Variants in LRRC49 observed in about 807,000 individuals in gnomAD.
The protein encoded by LRRC49 is leucine-rich repeat-containing protein 49.
A neutral mutation model predicts 83.3 loss-of-function variants in LRRC49; 50 were observed. That is an observed-to-expected ratio of 0.60 (90% CI 0.48 to 0.76). The LOEUF (loss-of-function observed/expected upper bound fraction) is 0.76, where lower values mean the gene tolerates loss of function less well. Among genes scored for constraint, LRRC49 ranks in the 30% least tolerant of loss-of-function variants. The pLI is 0.00. For synonymous variants in LRRC49, 286 were observed against 283.3 expected, an observed-to-expected ratio of 1.01 and a Z score of -0.10; for missense variants, 704 against 809.1, an observed-to-expected ratio of 0.87 and a Z score of 1.58.
At position 70,873,543 on chromosome 15, in the gene LRRC49, G is replaced by A. The variant is rs2033094305; in HGVS notation, c.18+320G>A. On this transcript the variant is annotated intron_variant, in intron 2 of 16. Transcript: ENST00000544974. ...CTCTTCTCTCTGGGCATGCTTGGCG[G>A]ATTTGCTGGACTTCCTCATGCTTCT... Among the ~76,000 whole-genome samples, 5 of 152,152 alleles carry A rather than the reference G, an allele frequency of 3.3e-5. No individual in the cohort carries two copies. In the South Asian group the frequency reaches 1.0e-3, roughly 31 times the overall value.
At chr15:71,030,644 C>G (rs1319883225) in intron 14 of LRRC49, among the ~76,000 whole-genome samples, 1 of 152,150 alleles carries the variant, frequency 6.6e-6, no homozygotes, top group Non-Finnish European at 1.5e-5. Context: ...CCTTCACTTT[C>G]AGGTACACCA....
At chr15:70,952,125 T>G (rs774208187) in intron 8 of LRRC49, among the ~76,000 whole-genome samples, 1 of 152,132 alleles carries the variant, frequency 6.6e-6, no homozygotes, top group Non-Finnish European at 1.5e-5. Flanking sequence ...TACTTGATCA[T>G]GATGAATGAG....
intron 8 of LRRC49, among the ~76,000 whole-genome samples, chr15:70,962,241 G>A (rs2036627145): frequency 6.6e-6 from 1 of 152,186 alleles, no homozygotes; most frequent in Non-Finnish European, 1.5e-5. Flanking sequence ...AAGGAGGCTA[G>A]AATGATTCAT....
chr15:71,027,401 G>A lies in LRRC49; in HGVS notation c.1704-9778G>A, dbSNP rs767150829. Among the ~76,000 whole-genome samples the A allele has an allele frequency of 7.2e-5, 11 of 152,230 alleles. No individual in the cohort carries two copies. In the South Asian group the frequency reaches 2.1e-3, roughly 29 times the overall value. On this transcript the variant is annotated intron_variant, in intron 14 of 15. Coordinates refer to ENST00000260382, the MANE Select transcript of LRRC49 (RefSeq NM_017691.5). ...TGATGCCTCCAGCTTTGTTCTTTTT[G>A]CTTAGGATTGCCTTGCCTATATGGG...
intron 8 of LRRC49, among the ~76,000 whole-genome samples, chr15:70,959,391 C>T (rs547986360): frequency 1.3e-5 from 2 of 151,652 alleles, no homozygotes; most frequent in Admixed American, 6.6e-5. Flanking sequence ...CTCGGGAGGC[C>T]GAGGCAGGAA....
At chr15:71,041,414 T>C (rs1372042915) in intron 15 of LRRC49, among the ~76,000 whole-genome samples, 2 of 152,040 alleles carry the variant, frequency 1.3e-5, no homozygotes, top group East Asian at 3.9e-4. Context: ...AATTTAGAAA[T>C]CATAAAAAGC....
intron 11 of LRRC49, among the ~76,000 whole-genome samples, chr15:70,998,310 C>G (rs1293529967): frequency 6.6e-6 from 1 of 152,120 alleles, no homozygotes; most frequent in Admixed American, 6.5e-5. Flanking sequence ...AAGTTACCAA[C>G]TAGTGTTCTT....
In LRRC49 at chr15:70,988,893, T is replaced by C. The variant is rs936078323; in HGVS notation, c.1169+4636T>C. Among the ~76,000 whole-genome samples, 11 of 152,328 alleles carry C rather than the reference T, an allele frequency of 7.2e-5. No homozygotes were observed. The East Asian group carries it at 2.1e-3, about 29-fold the overall frequency. Reference sequence around the variant, plus strand: ...AAGTATTTTATTTCTCCTTCACTTATGAAGCTTAGTTTGGCTGTATATGAA... The same window carrying C: ...AAGTATTTTATTTCTCCTTCACTTACGAAGCTTAGTTTGGCTGTATATGAA... On this transcript the variant is annotated intron_variant, in intron 11 of 15. Coordinates refer to ENST00000260382, the MANE Select transcript of LRRC49 (RefSeq NM_017691.5).
intron 1 of LRRC49, among the ~76,000 whole-genome samples, chr15:70,854,436 G>A (rs571487100): frequency 1.7e-3 from 256 of 152,304 alleles, no homozygotes; most frequent in Non-Finnish European, 1.4e-3. Context: ...AGGTGTCAGG[G>A]CTCCCTCCTC....
intron 2 of LRRC49, among the ~76,000 whole-genome samples, chr15:70,877,351 T>A (rs891756255): frequency 3.9e-5 from 6 of 152,224 alleles, no homozygotes; most frequent in Non-Finnish European, 7.3e-5. Flanking sequence ...TTGCAGGGAA[T>A]GTTCCTCTGC....
In LRRC49 at chr15:70,924,791, A is replaced by C. The variant is rs530239996; in HGVS notation, c.711+5598A>C. On this transcript the variant is annotated intron_variant, in intron 7 of 15. Coordinates refer to ENST00000260382, the MANE Select transcript of LRRC49 (RefSeq NM_017691.5). The stretch of plus-strand genomic sequence containing the variant: ...GTCTCTCAGTTTTTGTTTATCAAAA[A>C]ATGAGTTTATTTTGCTTTTATTCAT... Among the ~76,000 whole-genome samples, 5 of 152,100 alleles carry C rather than the reference A, an allele frequency of 3.3e-5. No homozygotes were observed. The South Asian group carries it at 1.0e-3, about 32-fold the overall frequency.
Position 71,012,978 on chromosome 15 carries a change from A to G in LRRC49, c.1703+65A>G, listed in dbSNP as rs556729254. The G allele has an allele frequency of 4.0e-6, 4 of 987,886 alleles. No individual in the cohort carries two copies. In the South Asian group the frequency reaches 5.7e-5, roughly 14 times the overall value. The allele number at this position is 987,886 out of a possible 1,614,324, so 61.2% of individuals were successfully genotyped here. A position where few individuals can be genotyped will look rare whatever the true frequency, so the allele number is the denominator to read the frequency against. On this transcript the variant is annotated intron_variant, in intron 14 of 15. Coordinates refer to ENST00000260382, the MANE Select transcript of LRRC49 (RefSeq NM_017691.5). ...TACACTAGAAAAAGAAATAAATTCC[A>G]CATACCTCCTAACTATGCTAATTAT...
At chr15:71,035,856 C>A (rs1316752938) in intron 14 of LRRC49, among the ~76,000 whole-genome samples, 1 of 151,836 alleles carries the variant, frequency 6.6e-6, no homozygotes, top group Non-Finnish European at 1.5e-5. Context: ...GGGTATATAC[C>A]CACTAATGGA....
chr15:70,981,725 A>G (rs1210450687), intron 10 of LRRC49, among the ~76,000 whole-genome samples: 1 of 152,040 alleles, frequency 6.6e-6, no homozygotes, highest in Non-Finnish European at 1.5e-5. Context: ...ACCTTCTAAA[A>G]TATTTGTCAC....
chr15:70,900,440 C>A (rs911269760), intron 3 of LRRC49: 4 of 455,846 alleles, frequency 8.8e-6, no homozygotes, highest in Non-Finnish European at 1.8e-5. Context: ...GCATCTCATC[C>A]ACAACAAATG....
intron 1 of LRRC49, among the ~76,000 whole-genome samples, chr15:70,865,962 T>C (rs1004961939): frequency 6.6e-6 from 1 of 152,204 alleles, no homozygotes; most frequent in Non-Finnish European, 1.5e-5. Context: ...CATAGCATCC[T>C]GTGTTTATAC....
intron 1 of LRRC49, among the ~76,000 whole-genome samples, chr15:70,872,107 T>C (rs2033059641): frequency 6.6e-6 from 1 of 152,182 alleles, no homozygotes; most frequent in Admixed American, 6.5e-5. Context: ...CTGGGCAACA[T>C]TGAGCACTGA....
At chr15:70,977,912 C>T (rs2037265376) in intron 9 of LRRC49, among the ~76,000 whole-genome samples, 1 of 151,996 alleles carries the variant, frequency 6.6e-6, no homozygotes, top group Non-Finnish European at 1.5e-5. Flanking sequence ...GCTATGTGAC[C>T]TCATACAAGT....
chr15:70,899,959 C>T (rs181420428), intron 3 of LRRC49, among the ~76,000 whole-genome samples: 11 of 152,242 alleles, frequency 7.2e-5, no homozygotes, highest in Admixed American at 2.0e-4. Context: ...ACCCATTACT[C>T]AAATTCTTAC....
Sources: gnomAD v4.1 joint callset for allele counts (sites outside exome capture counted in the v4.1 genomes callset) on GRCh38, gnomAD v4.1.1 for gene constraint, MANE v1.5 for transcripts, NCBI Gene and HGNC (gene_info 2026-07-23, HGNC 2026-07-21) for gene names.